MMS22L: variants seen among roughly 807,000 people sequenced by gnomAD.
MMS22L encodes the protein MMS22 like, DNA repair protein.
In MMS22L, 74 loss-of-function variants were observed where a neutral mutation model predicts 159.1. The observed-to-expected ratio is 0.47, with a 90% CI of 0.39 to 0.56. The LOEUF is 0.56. MMS22L is among the 20% of genes least tolerant of loss of function. The pLI, the probability that MMS22L is intolerant of heterozygous loss-of-function variation, is 0.00. For synonymous variants in MMS22L, 517 were observed against 506.9 expected (o/e 1.02, Z -0.27); for missense variants, 1,351 against 1,422.1 (o/e 0.95, Z 0.80).
At chr6:97,280,721 A>G (rs1816686648) in intron 3 of MMS22L, among the ~76,000 whole-genome samples, 1 of 152,202 alleles carries the variant, frequency 6.6e-6, no homozygotes, top group Non-Finnish European at 1.5e-5. Flanking sequence ...TTAGGCCAAA[A>G]GAAGAGGAGA....
intron 12 of MMS22L, among the ~76,000 whole-genome samples, 173 bp from the exon 13 acceptor site, chr6:97,231,825 A>G (rs1473938868): frequency 1.3e-5 from 2 of 152,218 alleles, no homozygotes; most frequent in Admixed American, 1.3e-4. Flanking sequence ...CAGAGCATCA[A>G]GAGGTGTCCA....
chr6:97,161,721 G>A (rs1802456873), intron 22 of MMS22L, among the ~76,000 whole-genome samples: 1 of 151,958 alleles, frequency 6.6e-6, no homozygotes, highest in Non-Finnish European at 1.5e-5. Context: ...TTCTTTGAGA[G>A]GTTAACAAAT....
At chr6:97,224,455 T>C (rs1810000665) in intron 14 of MMS22L, among the ~76,000 whole-genome samples, 1 of 152,030 alleles carries the variant, frequency 6.6e-6, no homozygotes, top group South Asian at 2.1e-4. Context: ...AAGTGAAATT[T>C]AGAGGGTTGG....
intron 8 of MMS22L, 182 bp downstream of exon 8, chr6:97,267,689 TC>T (rs1236953594): frequency 7.2e-6 from 3 of 413,824 alleles, no homozygotes; most frequent in Non-Finnish European, 1.2e-5. Context: ...AAATACCAAT[TC>T]CAGCCTCTTT....
intron 10 of MMS22L, 21 bp from the exon 11 acceptor site, chr6:97,246,711 G>GTA: frequency 3.1e-6 from 2 of 637,968 alleles, no homozygotes; most frequent in South Asian, 2.5e-5. Flanking sequence ...AGAAAATAGT[G>GTA]CATCAAAATT....
chr6:97,252,879 T>A (rs1405481192), intron 10 of MMS22L, among the ~76,000 whole-genome samples: 1 of 152,200 alleles, frequency 6.6e-6, no homozygotes, highest in African/African-American at 2.4e-5. Flanking sequence ...GTTCCTTTAA[T>A]ATAGTTCTAA....
intron 18 of MMS22L, among the ~76,000 whole-genome samples, chr6:97,178,045 GC>G (rs1234597033): frequency 6.6e-6 from 1 of 152,162 alleles, no homozygotes; most frequent in African/African-American, 2.4e-5. Flanking sequence ...TGGTGCTTAT[GC>G]CTACACTGTT....
intron 14 of MMS22L, among the ~76,000 whole-genome samples, chr6:97,200,694 G>A (rs888449481): frequency 1.3e-5 from 2 of 151,986 alleles, no homozygotes; most frequent in Non-Finnish European, 2.9e-5. Context: ...TCATAAAATG[G>A]AACAAAACTA....
At chr6:97,152,797 T>C (rs1434188604) in intron 22 of MMS22L, among the ~76,000 whole-genome samples, 1 of 147,840 alleles carries the variant, frequency 6.8e-6, no homozygotes, top group Non-Finnish European at 1.5e-5. Flanking sequence ...CTTTTTTCTT[T>C]AACTGAACTA....
chr6:97,180,263 G>A (rs1245924310), intron 16 of MMS22L, among the ~76,000 whole-genome samples: 3 of 152,082 alleles, frequency 2.0e-5, no homozygotes, highest in Non-Finnish European at 4.4e-5. Context: ...CACCATGCCC[G>A]GCTAATTTTT....
At position 97,161,997 on chromosome 6, in the gene MMS22L, C is replaced by G; in HGVS notation, c.3385+5G>C. The stretch of plus-strand genomic sequence containing the variant: ...ATGGTAACAAAAATAAGCTTACAAA[C>G]AAACCTTGTGGTTCACTGACTAACA... On this transcript the variant is annotated splice_donor_5th_base_variant and intron_variant, in intron 22 of 24. Transcript: ENST00000683635. 6.2e-7 allele frequency: 1 copy of G among 1,602,542 alleles called. No homozygotes were observed. The highest frequency in any genetic ancestry group is 8.5e-7 in the Non-Finnish European group (1 of 1,176,600).
intron 18 of MMS22L, among the ~76,000 whole-genome samples, chr6:97,173,459 A>G (rs1013533845): frequency 3.3e-5 from 5 of 152,116 alleles, no homozygotes; most frequent in African/African-American, 1.2e-4. Flanking sequence ...AAACTCACCA[A>G]TAACTACTTA....
rs769474635 is a variant in MMS22L, at chr6:97,181,986, A to T, written c.2302T>A (p.Ser768Thr). Residue 768 changes from serine to threonine, a missense_variant, in exon 16 of 25, where the codon TCA becomes ACA. Transcript: ENST00000683635. Reference protein sequence around the residue: ...PSDFQPQPVISIIQLFGWDDI... With the variant: ...PSDFQPQPVITIIQLFGWDDI... ...TCCCAACCAAAAAGTTGAATAATTGATATAACTGGCTGAGGCTGAAAATCT... is the reference window on the plus strand; with the variant it reads ...TCCCAACCAAAAAGTTGAATAATTGTTATAACTGGCTGAGGCTGAAAATCT... The T allele has an allele frequency of 6.2e-7, 1 of 1,613,868 alleles. No homozygotes were observed. The highest frequency in any genetic ancestry group is 1.3e-5 in the African/African-American group (1 of 75,044).
At chr6:97,150,825 G>GCTCTACC (rs1474591340) in intron 23 of MMS22L, among the ~76,000 whole-genome samples, 6 of 152,228 alleles carry the variant, frequency 3.9e-5, no homozygotes, top group Admixed American at 3.9e-4. Context: ...GCAGAGATAG[G>GCTCTACC]AATAATAAAG....
intron 14 of MMS22L, among the ~76,000 whole-genome samples, chr6:97,188,355 C>T (rs1053880014): frequency 2.6e-5 from 4 of 152,174 alleles, no homozygotes; most frequent in East Asian, 3.9e-4. Flanking sequence ...TATTTACTAA[C>T]TAAAACCTAT....
chr6:97,228,951 C>T lies in MMS22L; in HGVS notation c.1982G>A (p.Arg661Gln), dbSNP rs765975650. 11 of 1,613,886 alleles carry T rather than the reference C, an allele frequency of 6.8e-6. No homozygotes were observed. The highest frequency in any genetic ancestry group is 4.4e-5 in the South Asian group (4 of 91,072). Residue 661 changes from arginine to glutamine, a missense_variant, in exon 14 of 25, where the codon CGA becomes CAA. By Grantham distance (43) the Arg-to-Gln change is conservative. Coordinates refer to ENST00000683635, the MANE Select transcript of MMS22L (RefSeq NM_001350599.2). Reference sequence around the variant, plus strand: ...CAATACTGTCCTAAGTTCAGATTCTCGACATGCTCGCAGAAGCATACTAAA... The same window carrying T: ...CAATACTGTCCTAAGTTCAGATTCTTGACATGCTCGCAGAAGCATACTAAA... ...DGFSMLLRAC[R>Q]ESELRTVLSF...
At chr6:97,214,100 TA>T (rs922381313) in intron 14 of MMS22L, among the ~76,000 whole-genome samples, 5 of 151,964 alleles carry the variant, frequency 3.3e-5, no homozygotes, top group African/African-American at 1.2e-4. Context: ...ATCAAATCAT[TA>T]AAAAAAATAC....
At position 97,173,047 on chromosome 6, in the gene MMS22L, T is replaced by C. The variant is rs1803711883; in HGVS notation, c.2839+16A>G. ...TAAGGAAATGTTACTAGCAAAATAA[T>C]GCCAGGAATACATACCCATCATTCC... On this transcript the variant is annotated intron_variant, in intron 19 of 24. Coordinates refer to ENST00000683635, the MANE Select transcript of MMS22L (RefSeq NM_001350599.2). The C allele has an allele frequency of 2.5e-6, 4 of 1,601,592 alleles. No individual in the cohort carries two copies. The highest frequency in any genetic ancestry group is 3.4e-6 in the Non-Finnish European group (4 of 1,176,312).
chr6:97,215,206 A>G (rs1024553378), intron 14 of MMS22L, among the ~76,000 whole-genome samples: 1 of 151,230 alleles, frequency 6.6e-6, no homozygotes, highest in Non-Finnish European at 1.5e-5. Flanking sequence ...TCTTTATAAT[A>G]TTTTACTAGT....
Sources: gnomAD v4.1 joint callset for allele counts (sites outside exome capture counted in the v4.1 genomes callset) on GRCh38, gnomAD v4.1.1 for gene constraint, MANE v1.5 for transcripts, NCBI Gene and HGNC (gene_info 2026-07-23, HGNC 2026-07-21) for gene names.